The following SPICE1 variants were observed in gnomAD, a reference collection of about 807,000 sequenced individuals.
The protein encoded by SPICE1 is spindle and centriole-associated protein 1.
SPICE1 carries 75 observed loss-of-function variants against 102.7 expected under a neutral mutation model. The observed-to-expected ratio is 0.73, with a 90% CI of 0.61 to 0.88. The LOEUF (loss-of-function observed/expected upper bound fraction) is 0.88, where lower values mean the gene tolerates loss of function less well. Ranked by LOEUF, SPICE1 falls within the 40% of genes least tolerant of loss-of-function variation. SPICE1 has a pLI of 0.00. For missense variants in SPICE1, 979 were observed against 1,020.1 expected (o/e 0.96, Z 0.55); for synonymous variants, 308 against 350.3 (o/e 0.88, Z 1.35).
At chr3:113,457,413 A>T (rs911144352) in intron 12 of SPICE1, 56 bp from the exon 13 acceptor site, 18 of 1,549,386 alleles carry the variant, frequency 1.2e-5, no homozygotes, top group Non-Finnish European at 1.3e-5. Context: ...CTATGAGCAC[A>T]TTTCAGGTAT....
rs139574129 is a variant in SPICE1 at position 113,460,650 on chromosome 3, C to T, written c.1402G>A (p.Gly468Arg). The T allele has an allele frequency of 1.0e-4, 166 of 1,613,662 alleles. No homozygotes were observed. In the Middle Eastern group the frequency reaches 1.6e-3, roughly 16 times the overall value. Reference protein sequence around the residue: ...NRQEIQASESGATGRRVMDSP... With the variant: ...NRQEIQASESRATGRRVMDSP... ...TCCATAACTCTTCTACCTGTGGCTC[C>T]GCTTTCTGATGCCTGAATTTCTTGT... Residue 468 changes from glycine (G) to arginine (R), a missense_variant, in exon 12 of 18, where the codon GGA (glycine) becomes AGA (arginine). Physicochemically the swap from Gly to Arg is moderately radical, Grantham distance 125. Coordinates refer to ENST00000295872, the MANE Select transcript of SPICE1 (RefSeq NM_144718.4).
intron 7 of SPICE1, among the ~76,000 whole-genome samples, chr3:113,483,281 C>T (rs1369546240): frequency 6.6e-6 from 1 of 152,174 alleles, no homozygotes; most frequent in Non-Finnish European, 1.5e-5. Context: ...GCTGAAGTTG[C>T]TTATCAGCTT....
chr3:113,465,752 T>C lies in SPICE1; in HGVS notation c.1188A>G (p.Thr396=). The C allele has an allele frequency of 6.2e-7, 1 of 1,613,862 alleles. No homozygotes were observed. The highest frequency in any genetic ancestry group is 1.7e-5 in the Admixed American group (1 of 59,994). The change falls in exon 11 of 18, where the codon ACA becomes ACG. Residue 396 remains threonine (T), a synonymous_variant. Coordinates refer to ENST00000295872, the MANE Select transcript of SPICE1 (RefSeq NM_144718.4). ...SEIQLRKEVE[T]RQQLEQVLGD... ...CTAATACTTGTTCCAGTTGTTGCCT[T>C]GTCTCTACTTCTTTACGTAGCTGGA...
At chr3:113,454,121 C>T (rs538670856) in intron 13 of SPICE1, among the ~76,000 whole-genome samples, 171 bp from the exon 14 acceptor site, 52 of 152,226 alleles carry the variant, frequency 3.4e-4, no homozygotes, top group African/African-American at 1.2e-3. Context: ...TGCCGCCCCT[C>T]GTAATCAAGT....
At chr3:113,453,355 G>C (rs1408609899) in intron 14 of SPICE1, 111 bp downstream of exon 14, 14 of 1,355,672 alleles carry the variant, frequency 1.0e-5, no homozygotes, top group Non-Finnish European at 1.3e-5. Flanking sequence ...AAGCCATCTA[G>C]CCTCAAAGCT....
intron 7 of SPICE1, among the ~76,000 whole-genome samples, chr3:113,480,871 T>C (rs141154024): frequency 4.0e-5 from 4 of 99,500 alleles, no homozygotes; most frequent in African/African-American, 1.9e-4. Context: ...AGTGAGATCC[T>C]GTCTCAAAAA....
chr3:113,488,687 C>T (rs923109072), intron 7 of SPICE1, among the ~76,000 whole-genome samples: 1 of 152,122 alleles, frequency 6.6e-6, no homozygotes, highest in Admixed American at 6.5e-5. Context: ...CATGTGCATG[C>T]ATGCATGTGT....
At chr3:113,458,057 A>G (rs1294599717) in intron 12 of SPICE1, among the ~76,000 whole-genome samples, 2 of 152,238 alleles carry the variant, frequency 1.3e-5, no homozygotes, top group Admixed American at 1.3e-4. Context: ...AAAGAGTTAC[A>G]AGAGCTGAGA....
At chr3:113,482,500 T>C (rs1936534977) in intron 7 of SPICE1, among the ~76,000 whole-genome samples, 1 of 152,246 alleles carries the variant, frequency 6.6e-6, no homozygotes, top group African/African-American at 2.4e-5. Flanking sequence ...ATGTCCTGAA[T>C]GGTACTGCCT....
intron 11 of SPICE1, among the ~76,000 whole-genome samples, chr3:113,462,595 AC>A (rs1318617618): frequency 1.3e-5 from 2 of 152,256 alleles, no homozygotes; most frequent in African/African-American, 4.8e-5. Flanking sequence ...CTCAAAAGGT[AC>A]ATATAACCCA....
chr3:113,500,375 C>T (rs1299404475), intron 3 of SPICE1, among the ~76,000 whole-genome samples: 1 of 151,288 alleles, frequency 6.6e-6, no homozygotes, highest in Non-Finnish European at 1.5e-5. Context: ...AAGTATTACA[C>T]AAGGATTCTG....
Position 113,465,900 on chromosome 3 carries a change from T to C in SPICE1, c.1156-116A>G. On this transcript the variant is annotated intron_variant, in intron 10 of 17. Transcript: ENST00000295872. ...CAAAGAAGCATATATTATGTGACAGTAATGATGAAGAGTTTTATTAAAAGG... is the reference window on the plus strand; with the variant it reads ...CAAAGAAGCATATATTATGTGACAGCAATGATGAAGAGTTTTATTAAAAGG... 1.2e-5 allele frequency: 11 copies of C among 919,958 alleles called. No individual in the cohort carries two copies. In the South Asian group the frequency reaches 1.8e-4, roughly 15 times the overall value. The allele number at this position is 919,958 out of a possible 1,614,324, so 57.0% of individuals were successfully genotyped here. A position where few individuals can be genotyped will look rare whatever the true frequency, so the allele number is the denominator to read the frequency against.
intron 6 of SPICE1, among the ~76,000 whole-genome samples, chr3:113,491,760 C>T (rs1334642190): frequency 2.0e-5 from 3 of 151,760 alleles, no homozygotes; most frequent in African/African-American, 7.3e-5. Flanking sequence ...GCTACCTCTG[C>T]TTTGAGAGGC....
At chr3:113,507,770 A>G (rs1937140501) in intron 1 of SPICE1, among the ~76,000 whole-genome samples, 1 of 152,202 alleles carries the variant, frequency 6.6e-6, no homozygotes, top group African/African-American at 2.4e-5. Flanking sequence ...TATAAGCCAG[A>G]TGCTATTCTA....
intron 6 of SPICE1, among the ~76,000 whole-genome samples, chr3:113,491,168 A>G (rs1015115319): frequency 7.2e-5 from 11 of 152,184 alleles, no homozygotes; most frequent in Admixed American, 2.0e-4. Context: ...ACATGCCTTA[A>G]TCATCTATGT....
At chr3:113,471,393 C>T (rs1431483543) in intron 7 of SPICE1, among the ~76,000 whole-genome samples, 1 of 152,178 alleles carries the variant, frequency 6.6e-6, no homozygotes. Flanking sequence ...GATGTGAAGA[C>T]AAGAGGCAGA....
chr3:113,445,381 A>G (rs1935489818), intron 17 of SPICE1, 21 bp from the exon 18 acceptor site: 1 of 1,608,590 alleles, frequency 6.2e-7, no homozygotes, highest in African/African-American at 1.3e-5. Context: ...AAGACACGGA[A>G]AAAATTTAGA....
rs148555324 is a variant in SPICE1, at chr3:113,467,379, A to G, written c.1155+760T>C. On this transcript the variant is annotated intron_variant, in intron 10 of 17. Coordinates refer to ENST00000295872, the MANE Select transcript of SPICE1 (RefSeq NM_144718.4). ...CGATCTCGGCTCACTGCAACCTCCAACTCCCTGGTGAAAGTAATTCTCCTG... is the reference window on the plus strand; with the variant it reads ...CGATCTCGGCTCACTGCAACCTCCAGCTCCCTGGTGAAAGTAATTCTCCTG... 1.2e-3 allele frequency among the ~76,000 whole-genome samples: 175 copies of G among 152,142 alleles called. 1 individual carries two copies. The highest frequency in any genetic ancestry group is 3.2e-3 in the African/African-American group (131 of 41,528).
At chr3:113,457,391 AAC>A in intron 12 of SPICE1, 34 bp from the exon 13 acceptor site, 2 of 1,596,602 alleles carry the variant, frequency 1.3e-6, no homozygotes, top group Non-Finnish European at 1.7e-6. Flanking sequence ...GTACAATAGG[AAC>A]AAAAAGAAAC....
Sources: gnomAD v4.1 joint callset for allele counts (sites outside exome capture counted in the v4.1 genomes callset) on GRCh38, gnomAD v4.1.1 for gene constraint, MANE v1.5 for transcripts, NCBI Gene and HGNC (gene_info 2026-07-23, HGNC 2026-07-21) for gene names.